Variants in DNAJC1 observed in about 807,000 individuals in gnomAD.
DNAJC1 encodes DnaJ heat shock protein family (Hsp40) member C1, also known as dnaJ homolog subfamily C member 1.
A neutral mutation model predicts 76.6 loss-of-function variants in DNAJC1; 58 were observed. That is an observed-to-expected ratio of 0.76 (90% CI 0.61 to 0.94). The LOEUF is 0.94. Among genes scored for constraint, DNAJC1 ranks in the 40% least tolerant of loss-of-function variants. DNAJC1 has a pLI of 0.00. For synonymous variants in DNAJC1, 258 were observed against 267.9 expected (o/e 0.96, Z 0.36); for missense variants, 689 against 677.3 (o/e 1.02, Z -0.19).
rs1318804060 is a variant in DNAJC1, at chr10:21,759,197, T to C, written c.1569A>G (p.Ile523Met). The change falls in exon 11 of 12, where the codon ATA becomes ATG. Residue 523 changes from isoleucine to methionine, a missense_variant. Physicochemically the swap from Ile to Met is conservative, Grantham distance 10. Transcript: ENST00000376980. ...PRGSSDRWDKIARCVPSKSKE... is the reference protein window; with the variant it reads ...PRGSSDRWDKMARCVPSKSKE... The stretch of plus-strand genomic sequence containing the variant: ...TGCTCTTGGACGGGACACATCTGGC[T>C]ATTTTGTCCCAGCGGTCAGAGGATC... 1 of 1,614,090 alleles carries C rather than the reference T, an allele frequency of 6.2e-7. No homozygotes were observed. The highest frequency in any genetic ancestry group is 8.5e-7 in the Non-Finnish European group (1 of 1,180,010).
chr10:21,888,351 GA>G (rs1836401784), intron 7 of DNAJC1, among the ~76,000 whole-genome samples: 1 of 152,116 alleles, frequency 6.6e-6, no homozygotes, highest in African/African-American at 2.4e-5. Context: ...GCTAAAAGCA[GA>G]ACTACTATTT....
At chr10:21,981,494 T>C (rs1021386547) in intron 1 of DNAJC1, among the ~76,000 whole-genome samples, 3 of 152,164 alleles carry the variant, frequency 2.0e-5, no homozygotes, top group Admixed American at 6.5e-5. Context: ...AACATTTAAA[T>C]AGTAAGAAAC....
chr10:21,999,025 T>C (rs1271449432), intron 1 of DNAJC1, among the ~76,000 whole-genome samples: 1 of 152,204 alleles, frequency 6.6e-6, no homozygotes, highest in East Asian at 1.9e-4. Flanking sequence ...TTATAGAGCT[T>C]AGAGAGTAAC....
chr10:21,889,778 A>G (rs1422155838), intron 7 of DNAJC1, among the ~76,000 whole-genome samples: 8 of 152,230 alleles, frequency 5.3e-5, no homozygotes. Context: ...CTAAAGGGTC[A>G]AAAAAGAGAC....
chr10:21,801,043 T>C (rs961374764), intron 9 of DNAJC1, among the ~76,000 whole-genome samples: 2 of 152,184 alleles, frequency 1.3e-5, no homozygotes, highest in African/African-American at 4.8e-5. Flanking sequence ...TGAACAAATA[T>C]CTTAACAGCA....
chr10:21,940,894 C>T (rs1033447051), intron 1 of DNAJC1, among the ~76,000 whole-genome samples: 9 of 151,758 alleles, frequency 5.9e-5, no homozygotes, highest in Non-Finnish European at 7.4e-5. Flanking sequence ...GTCCCTTTAA[C>T]AAGTCAATGG....
chr10:21,927,575 G>A (rs1166067774), intron 3 of DNAJC1, among the ~76,000 whole-genome samples: 1 of 152,066 alleles, frequency 6.6e-6, no homozygotes, highest in East Asian at 1.9e-4. Flanking sequence ...AATGAATTTA[G>A]TGAACCACAA....
At chr10:21,943,181 A>G (rs2131798932) in intron 1 of DNAJC1, among the ~76,000 whole-genome samples, 1 of 152,322 alleles carries the variant, frequency 6.6e-6, no homozygotes, top group Admixed American at 6.5e-5. Context: ...CTAAAAATGA[A>G]TGAACCAAGT....
rs575608041 is a variant in DNAJC1 at position 21,958,940 on chromosome 10, C to T, written c.223-29799G>A. Among the ~76,000 whole-genome samples the T allele has an allele frequency of 1.3e-5, 2 of 152,102 alleles. 1 individual carries two copies. Among genetic ancestry groups the T allele is most frequent in the South Asian group, 4.2e-4 (2 of 4,814 alleles). On this transcript the variant is annotated intron_variant, in intron 1 of 11. Transcript: ENST00000376980. ...CTCCTTCTCCTTCTTTACTTCCTAC[C>T]CTTCCTTCTCTTCCTTTTACCAGTT...
At chr10:22,000,775 G>A (rs1564850076) in intron 1 of DNAJC1, among the ~76,000 whole-genome samples, 3 of 152,288 alleles carry the variant, frequency 2.0e-5, no homozygotes, top group East Asian at 1.9e-4. Context: ...TGCCCTGCCC[G>A]TACCACCATG....
At position 22,003,305 on chromosome 10, in the gene DNAJC1, G is replaced by A. The variant is rs1342536973; in HGVS notation, c.130C>T (p.Pro44Ser). The A allele has an allele frequency of 6.6e-7, 1 of 1,526,114 alleles. No individual in the cohort carries two copies. The highest frequency in any genetic ancestry group is 1.4e-5 in the African/African-American group (1 of 70,160). 94.5% of individuals were successfully genotyped at this position (1,526,114 alleles called of 1,614,324 possible). Reference sequence around the variant, plus strand: ...TCTCCGCTCTCCCAGCCGCGCGCCGGCGCCACGGCGGCCAGCAGCAGCAGC... The same window carrying A: ...TCTCCGCTCTCCCAGCCGCGCGCCGACGCCACGGCGGCCAGCAGCAGCAGC... Reference protein sequence around the residue: ...LLLLLLAAVAPARGWESGDLE... With the variant: ...LLLLLLAAVASARGWESGDLE... The change falls in exon 1 of 12, where the codon CCG (proline) becomes TCG (serine). Residue 44 changes from proline (P) to serine (S), a missense_variant. Pro to Ser is a moderately conservative substitution (Grantham distance 74). Coordinates refer to ENST00000376980, the MANE Select transcript of DNAJC1 (RefSeq NM_022365.4).
chr10:22,002,756 A>G (rs1294515816), intron 1 of DNAJC1, among the ~76,000 whole-genome samples: 1 of 152,120 alleles, frequency 6.6e-6, no homozygotes, highest in East Asian at 1.9e-4. Flanking sequence ...AAATAAGAAT[A>G]AGGATGAGGT....
chr10:21,805,946 T>C, intron 9 of DNAJC1, 34 bp downstream of exon 9: 1 of 1,609,498 alleles, frequency 6.2e-7, no homozygotes, highest in Non-Finnish European at 8.5e-7. Flanking sequence ...TTCTGGTTTC[T>C]CTCTCTATAC....
chr10:21,790,413 GA>G, intron 9 of DNAJC1, among the ~76,000 whole-genome samples: 1 of 149,826 alleles, frequency 6.7e-6, no homozygotes, highest in East Asian at 2.0e-4. Flanking sequence ...AATGGCAAGA[GA>G]AAAATGTCAA....
intron 1 of DNAJC1, among the ~76,000 whole-genome samples, chr10:21,974,436 G>A (rs1162872091): frequency 5.3e-5 from 8 of 152,254 alleles, no homozygotes; most frequent in Middle Eastern, 3.4e-3. Context: ...ATCCAGAGCC[G>A]ATTAAGATGC....
At chr10:22,001,125 A>C (rs1838512268) in intron 1 of DNAJC1, among the ~76,000 whole-genome samples, 1 of 152,236 alleles carries the variant, frequency 6.6e-6, no homozygotes, top group Non-Finnish European at 1.5e-5. Context: ...CAATGCTTAA[A>C]ATCCAATAGG....
At chr10:21,872,488 G>A (rs2131710618) in intron 8 of DNAJC1, among the ~76,000 whole-genome samples, 1 of 152,244 alleles carries the variant, frequency 6.6e-6, no homozygotes, top group East Asian at 1.9e-4. Context: ...GTTATTTAAA[G>A]GGCAAATAGA....
At chr10:21,874,309 G>T (rs116715093) in intron 8 of DNAJC1, among the ~76,000 whole-genome samples, 2,916 of 152,186 alleles carry the variant, frequency 0.019, 89 homozygotes, top group African/African-American at 0.066. Context: ...AGCTACTCAA[G>T]AGGCTGAGGT....
intron 6 of DNAJC1, among the ~76,000 whole-genome samples, chr10:21,914,102 TA>T (rs1255264818): frequency 6.6e-6 from 1 of 152,240 alleles, no homozygotes; most frequent in Non-Finnish European, 1.5e-5. Flanking sequence ...CTTTTCTGCC[TA>T]TGTAGATTAC....
Sources: gnomAD v4.1 joint callset for allele counts (sites outside exome capture counted in the v4.1 genomes callset) on GRCh38, gnomAD v4.1.1 for gene constraint, MANE v1.5 for transcripts, NCBI Gene and HGNC (gene_info 2026-07-23, HGNC 2026-07-21) for gene names.